The following OTC variants were observed in gnomAD, a reference collection of about 807,000 sequenced individuals.
OTC encodes the protein ornithine transcarbamylase, mitochondrial.
In OTC, 3 loss-of-function variants were observed where a neutral mutation model predicts 30.3. The observed-to-expected ratio is 0.10, with a 90% CI of 0.05 to 0.26. The LOEUF (loss-of-function observed/expected upper bound fraction) is 0.26. Ranked by LOEUF, OTC falls within the 10% of genes least tolerant of loss-of-function variation. OTC has a pLI of 1.00. For missense variants in OTC, 194 were observed against 260.3 expected, an observed-to-expected ratio of 0.75 and a Z score of 1.75; for synonymous variants, 111 against 99.7, an observed-to-expected ratio of 1.11 and a Z score of -0.67.
chrX:38,368,702 C>T (rs772714005), intron 2 of OTC, among the ~76,000 whole-genome samples: 1 of 98,486 alleles, frequency 1.0e-5, no homozygotes, highest in Non-Finnish European at 2.0e-5. Context: ...AAGTTTGACA[C>T]GGTTTTGATT....
chrX:38,374,162 C>CA (rs1457395923), intron 3 of OTC, among the ~76,000 whole-genome samples: 26 of 108,937 alleles, frequency 2.4e-4, no homozygotes, highest in South Asian at 1.2e-3. Context: ...GACTCCATCT[C>CA]AAAAAAAAGA....
intron 6 of OTC, among the ~76,000 whole-genome samples, chrX:38,407,899 G>T (rs1356871595): frequency 9.0e-6 from 1 of 111,691 alleles, no homozygotes; most frequent in Non-Finnish European, 1.9e-5. Flanking sequence ...GAGGCTGCCT[G>T]TGGGAATCTG....
chrX:38,351,217 C>T (rs139391183), upstream of OTC, among the ~76,000 whole-genome samples: 1,967 of 111,995 alleles, frequency 0.018, 23 homozygotes, highest in South Asian at 0.099. Context: ...TATTTCTCTA[C>T]TAGTATTAAT....
intron 4 of OTC, among the ~76,000 whole-genome samples, chrX:38,399,899 T>TTAGA (rs1015254143): frequency 7.3e-4 from 81 of 111,475 alleles, no homozygotes; most frequent in African/African-American, 2.2e-3. Flanking sequence ...TATAGCGCGC[T>TTAGA]TAGATAGTTC....
At chrX:38,359,338 C>A (rs1482571382) in intron 1 of OTC, among the ~76,000 whole-genome samples, 3 of 111,447 alleles carry the variant, frequency 2.7e-5, no homozygotes, top group African/African-American at 9.8e-5. Flanking sequence ...AGGCCACAGT[C>A]AATTATCCTC....
upstream of OTC, chrX:38,352,396 T>C: frequency 3.5e-6 from 1 of 289,238 alleles, no homozygotes; most frequent in Admixed American, 5.0e-5. Context: ...ATTGATTTTG[T>C]ACATGCGTGT....
chrX:38,343,930 T>A, the OTC span, among the ~76,000 whole-genome samples: 5 of 111,603 alleles, frequency 4.5e-5, no homozygotes, highest in African/African-American at 1.6e-4. Context: ...GATTTCACAA[T>A]TTCCCCTAGG....
At chrX:38,401,834 G>C (rs1035465452) in intron 5 of OTC, among the ~76,000 whole-genome samples, 15 of 112,026 alleles carry the variant, frequency 1.3e-4, no homozygotes, top group Non-Finnish European at 2.4e-4. Flanking sequence ...AAAAAGGTTA[G>C]TTACTAAGTC....
At chrX:38,418,358 T>C (rs752355950) in intron 9 of OTC, among the ~76,000 whole-genome samples, 1 of 112,106 alleles carries the variant, frequency 8.9e-6, no homozygotes, top group African/African-American at 3.2e-5. Context: ...GTTGTTTGAG[T>C]TCCTTATATA....
intron 1 of OTC, among the ~76,000 whole-genome samples, chrX:38,357,819 C>CAAGGAAAAAATGAATTATTT (rs2147318534): frequency 8.9e-6 from 1 of 112,285 alleles, no homozygotes; most frequent in African/African-American, 3.2e-5. Context: ...GTTAAGAAAT[C>CAAGGAAAAAATGAATTATTT]TCTGTAATTA....
chrX:38,409,657 T>A (rs73198455), intron 8 of OTC, among the ~76,000 whole-genome samples: 16,242 of 111,799 alleles, frequency 0.15, 1,076 homozygotes, highest in East Asian at 0.45. Flanking sequence ...GGTGATGCAG[T>A]GCTGCTGCCT....
intron 9 of OTC, among the ~76,000 whole-genome samples, chrX:38,415,600 C>A (rs1490747860): frequency 1.8e-5 from 2 of 110,756 alleles, no homozygotes; most frequent in African/African-American, 3.3e-5. Flanking sequence ...TGCCTATAAT[C>A]CCAGCACTTT....
At chrX:38,331,346 C>T in the OTC span, among the ~76,000 whole-genome samples, 1 of 103,582 alleles carries the variant, frequency 9.7e-6, no homozygotes, top group East Asian at 3.0e-4. Context: ...CTCTGCCTCC[C>T]GGGTTCAAGC....
At chrX:38,348,514 AC>A (rs2068199550), upstream of OTC, among the ~76,000 whole-genome samples, 1 of 106,597 alleles carries the variant, frequency 9.4e-6, no homozygotes, top group Admixed American at 1.0e-4. Flanking sequence ...GAGCCAGCTC[AC>A]AGTAGCTTGC....
At chrX:38,400,798 C>T (rs60250970) in intron 4 of OTC, among the ~76,000 whole-genome samples, 1 of 112,873 alleles carries the variant, frequency 8.9e-6, no homozygotes, top group Non-Finnish European at 1.9e-5. Context: ...GCCAATGGCT[C>T]TCCTCACAGC....
chrX:38,383,679 T>C (rs2147331730), intron 4 of OTC, among the ~76,000 whole-genome samples: 1 of 110,817 alleles, frequency 9.0e-6, no homozygotes. Flanking sequence ...ATGCCTGTAA[T>C]CCCAGCTACT....
At chrX:38,340,576 C>T in the OTC span, among the ~76,000 whole-genome samples, 1 of 102,772 alleles carries the variant, frequency 9.7e-6, no homozygotes, top group African/African-American at 3.6e-5. Flanking sequence ...GGCAAAAATG[C>T]TTATTTCCTA....
chrX:38,373,353 G>T (rs2068331534), intron 3 of OTC, among the ~76,000 whole-genome samples: 1 of 112,401 alleles, frequency 8.9e-6, no homozygotes, highest in African/African-American at 3.2e-5. Flanking sequence ...GAGATGTATC[G>T]ATGTAGCTGT....
intron 9 of OTC, among the ~76,000 whole-genome samples, chrX:38,420,628 C>T (rs970374105): frequency 9.0e-6 from 1 of 110,755 alleles, no homozygotes; most frequent in African/African-American, 3.3e-5. Context: ...CTCTAGGCTG[C>T]GAGAGATCAA....
Sources: allele counts gnomAD v4.1 joint callset (sites outside exome capture counted in the v4.1 genomes callset), GRCh38; gene constraint gnomAD v4.1.1; transcripts MANE v1.5; gene names NCBI Gene and HGNC (gene_info 2026-07-23, HGNC 2026-07-21).